TBCA: variants seen among roughly 807,000 people sequenced by gnomAD.
TBCA encodes tubulin folding cofactor A.
Under a neutral mutation model 15.8 loss-of-function variants are expected in TBCA, and 6 were observed. The ratio of observed to expected loss-of-function variants is 0.38; its 90% CI spans 0.21 to 0.75. TBCA has a LOEUF of 0.75. TBCA is among the 30% of genes least tolerant of loss of function. TBCA has a pLI of 0.46. For missense variants in TBCA, 90 were observed against 131.2 expected (o/e 0.69, Z 1.53); for synonymous variants, 32 against 42.3 (o/e 0.76, Z 0.94).
intron 1 of TBCA, among the ~76,000 whole-genome samples, chr5:77,772,144 T>C (rs1210780339): frequency 6.6e-6 from 1 of 151,668 alleles, no homozygotes; most frequent in Non-Finnish European, 1.5e-5. Context: ...GTCTGAATCA[T>C]GAATTAAGGT....
At chr5:77,733,070 C>G (rs1561274275) in intron 1 of TBCA, among the ~76,000 whole-genome samples, 1 of 152,184 alleles carries the variant, frequency 6.6e-6, no homozygotes, top group Non-Finnish European at 1.5e-5. Context: ...TTGCTGAGGT[C>G]AGGAGTTTGA....
intron 1 of TBCA, among the ~76,000 whole-genome samples, chr5:77,709,683 C>T (rs776049155): frequency 9.9e-5 from 15 of 152,034 alleles, no homozygotes; most frequent in Admixed American, 7.9e-4. Context: ...TTTCTAGGTA[C>T]ATACCCTAGA....
chr5:77,754,105 T>A (rs973598096), intron 1 of TBCA, among the ~76,000 whole-genome samples: 1 of 152,178 alleles, frequency 6.6e-6, no homozygotes, highest in African/African-American at 2.4e-5. Flanking sequence ...TTATTAAAAC[T>A]TAGACCATTC....
At chr5:77,710,115 A>G (rs1162406614) in intron 1 of TBCA, among the ~76,000 whole-genome samples, 3 of 152,190 alleles carry the variant, frequency 2.0e-5, no homozygotes, top group Non-Finnish European at 4.4e-5. Flanking sequence ...TGAATCTACT[A>G]AAAGCCAGTA....
chr5:77,692,523 G>C, intron 3 of TBCA: 1 of 953,986 alleles, frequency 1.0e-6, no homozygotes, highest in Non-Finnish European at 1.2e-6. Context: ...CCTGACTCGT[G>C]ATCCACCCAC....
At chr5:77,693,167 C>G in intron 3 of TBCA, 99 bp downstream of exon 3, 1 of 1,545,236 alleles carries the variant, frequency 6.5e-7, no homozygotes, top group Non-Finnish European at 8.7e-7. Context: ...ATAAGAAATA[C>G]TGCCAACTAG....
intron 1 of TBCA, among the ~76,000 whole-genome samples, chr5:77,744,235 T>C (rs928758065): frequency 2.0e-5 from 3 of 152,102 alleles, no homozygotes; most frequent in Non-Finnish European, 4.4e-5. Flanking sequence ...AGAATAGTAG[T>C]TCTCAACATG....
chr5:77,753,288 T>A (rs1445652667), intron 1 of TBCA, among the ~76,000 whole-genome samples: 1 of 152,268 alleles, frequency 6.6e-6, no homozygotes, highest in Non-Finnish European at 1.5e-5. Context: ...CTAGCTTCTA[T>A]CAGAATGGCA....
intron 1 of TBCA, among the ~76,000 whole-genome samples, chr5:77,762,868 A>T (rs1186126911): frequency 1.3e-5 from 2 of 152,216 alleles, no homozygotes; most frequent in Non-Finnish European, 2.9e-5. Flanking sequence ...AGGCAGAAGA[A>T]GATGATTAAG....
At chr5:77,708,663 G>C (rs183493224) in intron 1 of TBCA, 1 of 160,326 alleles carries the variant, frequency 6.2e-6, no homozygotes. Flanking sequence ...TCTGCCTCCC[G>C]GGTTCATGCC....
At chr5:77,735,790 G>A (rs1746887496) in intron 1 of TBCA, among the ~76,000 whole-genome samples, 1 of 152,060 alleles carries the variant, frequency 6.6e-6, no homozygotes, top group South Asian at 2.1e-4. Flanking sequence ...TTTCATACAT[G>A]CTTTACCTAC....
intron 1 of TBCA, among the ~76,000 whole-genome samples, chr5:77,714,698 C>T (rs1267523232): frequency 6.6e-6 from 1 of 151,954 alleles, no homozygotes; most frequent in East Asian, 1.9e-4. Flanking sequence ...TCCCAGGTAG[C>T]TGGGACTACA....
rs571471113 is a variant in TBCA at position 77,733,124 on chromosome 5, TA to T, written c.54-24778del. 2.4e-3 allele frequency among the ~76,000 whole-genome samples: 366 copies of T among 152,152 alleles called. 1 individual carries two copies. The highest frequency in any genetic ancestry group is 4.0e-3 in the Non-Finnish European group (275 of 68,002). On this transcript the variant is annotated intron_variant, in intron 1 of 3. Transcript: ENST00000380377. Reference sequence around the variant, plus strand: ...GGCGAAACCCCGTCTCTACTAAAAATACAAAAATTATCCAGACATCGTGGCA... The same window carrying T: ...GGCGAAACCCCGTCTCTACTAAAAATCAAAAATTATCCAGACATCGTGGCA...
At chr5:77,723,343 A>C (rs1746565149) in intron 1 of TBCA, among the ~76,000 whole-genome samples, 2 of 151,982 alleles carry the variant, frequency 1.3e-5, no homozygotes, top group South Asian at 4.1e-4. Context: ...TATAATAAAA[A>C]CTGGGGCCTT....
intron 1 of TBCA, chr5:77,715,316 T>C (rs1746372861): frequency 1.4e-6 from 1 of 701,126 alleles, no homozygotes; most frequent in African/African-American, 1.8e-5. Context: ...ACATAATCCC[T>C]AACAAAGGAA....
chr5:77,767,747 G>T (rs1747813292), intron 1 of TBCA, among the ~76,000 whole-genome samples: 1 of 152,182 alleles, frequency 6.6e-6, no homozygotes, highest in African/African-American at 2.4e-5. Context: ...TCAAAGCCAA[G>T]TTCCAGGGTC....
intron 1 of TBCA, among the ~76,000 whole-genome samples, chr5:77,774,337 C>G (rs999605752): frequency 6.6e-5 from 10 of 152,122 alleles, no homozygotes; most frequent in African/African-American, 2.2e-4. Flanking sequence ...CTTCCCTGTC[C>G]AGGTCTTTTT....
At chr5:77,699,492 C>T (rs180941824) in intron 2 of TBCA, among the ~76,000 whole-genome samples, 1 of 152,112 alleles carries the variant, frequency 6.6e-6, no homozygotes, top group African/African-American at 2.4e-5. Flanking sequence ...AGGAAGACAG[C>T]CTTTTCAACA....
At chr5:77,701,821 GTA>G (rs1306439971) in intron 2 of TBCA, among the ~76,000 whole-genome samples, 2 of 150,024 alleles carry the variant, frequency 1.3e-5, no homozygotes, top group Non-Finnish European at 3.0e-5. Context: ...AGGTAACTCA[GTA>G]TATATAGATA....
Sources: allele counts gnomAD v4.1 joint callset (sites outside exome capture counted in the v4.1 genomes callset), GRCh38; gene constraint gnomAD v4.1.1; transcripts MANE v1.5; gene names NCBI Gene and HGNC (gene_info 2026-07-23, HGNC 2026-07-21).